The following BEND6 variants were observed in gnomAD, a reference collection of about 807,000 sequenced individuals.
The protein encoded by BEND6 is BEN domain containing 6, also known as BEN domain-containing protein 6.
A neutral mutation model predicts 31.8 loss-of-function variants in BEND6; 24 were observed. That is an observed-to-expected ratio of 0.75 (90% CI 0.55 to 1.06). The LOEUF (loss-of-function observed/expected upper bound fraction) is 1.06, where lower values mean the gene tolerates loss of function less well. Ranked by LOEUF, BEND6 falls within the 50% of genes least tolerant of loss-of-function variation. The pLI is 0.00. For synonymous variants in BEND6, 109 were observed against 114.6 expected, an observed-to-expected ratio of 0.95 and a Z score of 0.31; for missense variants, 294 against 327.4, an observed-to-expected ratio of 0.90 and a Z score of 0.79.
intron 3 of BEND6, among the ~76,000 whole-genome samples, chr6:56,997,572 G>T (rs1473071563): frequency 3.3e-5 from 5 of 152,008 alleles, no homozygotes; most frequent in Admixed American, 6.6e-5. Flanking sequence ...TTTATTTTTT[G>T]AGACGGAATC....
chr6:57,020,485 A>C (rs1827704840), intron 6 of BEND6, among the ~76,000 whole-genome samples: 1 of 151,974 alleles, frequency 6.6e-6, no homozygotes, highest in Admixed American at 6.6e-5. Context: ...CAGTGGCGCG[A>C]TCTCTGCTCA....
chr6:57,003,185 T>C (rs181307087), intron 3 of BEND6, among the ~76,000 whole-genome samples: 1 of 152,076 alleles, frequency 6.6e-6, no homozygotes, highest in Non-Finnish European at 1.5e-5. Context: ...CAGACTAATA[T>C]CGAGTTCTAA....
At chr6:56,965,985 A>T (rs1039692821) in intron 1 of BEND6, among the ~76,000 whole-genome samples, 5 of 152,230 alleles carry the variant, frequency 3.3e-5, no homozygotes, top group African/African-American at 1.2e-4. Context: ...CACATTAATT[A>T]AAAAATGTGA....
intron 1 of BEND6, among the ~76,000 whole-genome samples, chr6:56,960,216 C>A (rs1825240360): frequency 6.6e-6 from 1 of 152,078 alleles, no homozygotes; most frequent in Admixed American, 6.6e-5. Flanking sequence ...GAGAACTGTT[C>A]ATAAATCAAA....
intron 3 of BEND6, among the ~76,000 whole-genome samples, chr6:56,993,660 G>A (rs954096894): frequency 6.6e-6 from 1 of 152,150 alleles, no homozygotes; most frequent in Non-Finnish European, 1.5e-5. Flanking sequence ...TTATTCAATT[G>A]ACAAGGCATT....
intron 6 of BEND6, among the ~76,000 whole-genome samples, chr6:57,021,711 A>G (rs1827748315): frequency 1.3e-5 from 2 of 152,166 alleles, no homozygotes; most frequent in African/African-American, 4.8e-5. Flanking sequence ...ATAACATCCA[A>G]CTAAGTGACC....
At chr6:56,980,543 T>C (rs1321450576) in intron 1 of BEND6, among the ~76,000 whole-genome samples, 1 of 152,184 alleles carries the variant, frequency 6.6e-6, no homozygotes, top group East Asian at 1.9e-4. Context: ...AGGCAAGCTG[T>C]CTGGTATTTG....
At chr6:56,955,595 G>A (rs973892161) in intron 1 of BEND6, 135 bp downstream of exon 1, 2 of 152,232 alleles carry the variant, frequency 1.3e-5, no homozygotes, top group Admixed American at 1.3e-4. Context: ...GAGCGCTCCG[G>A]GGTAGTACGC....
intron 6 of BEND6, among the ~76,000 whole-genome samples, chr6:57,020,593 G>A (rs1827709162): frequency 6.6e-6 from 1 of 151,932 alleles, no homozygotes; most frequent in South Asian, 2.1e-4. Flanking sequence ...GCTAATTTGT[G>A]TATTTTTAGT....
At chr6:56,968,698 A>G (rs1308956520) in intron 1 of BEND6, among the ~76,000 whole-genome samples, 2 of 151,856 alleles carry the variant, frequency 1.3e-5, no homozygotes, top group Non-Finnish European at 2.9e-5. Context: ...GCATTGTCGA[A>G]CCATCCCGAA....
intron 1 of BEND6, 68 bp downstream of exon 1, chr6:56,955,528 G>A (rs995946514): frequency 6.6e-6 from 1 of 152,284 alleles, no homozygotes; most frequent in Non-Finnish European, 1.5e-5. Flanking sequence ...CCTTCCCTGG[G>A]AATTGGGATA....
chr6:57,019,574 G>A (rs148113676), intron 6 of BEND6, among the ~76,000 whole-genome samples: 1 of 152,204 alleles, frequency 6.6e-6, no homozygotes, highest in Non-Finnish European at 1.5e-5. Context: ...ATGTAATGCA[G>A]TAATCCCCTG....
At chr6:57,004,529 G>A (rs541638457) in intron 3 of BEND6, 49 of 751,180 alleles carry the variant, frequency 6.5e-5, no homozygotes, top group Admixed American at 3.1e-4. Context: ...CACCGCCACC[G>A]CCATGACTAC....
intron 3 of BEND6, chr6:57,009,830 G>T (rs1431029864): frequency 6.6e-6 from 1 of 152,086 alleles, no homozygotes. Flanking sequence ...AGAAGAAAAC[G>T]TTATGGTCAT....
rs1216958257 is a variant in BEND6, at chr6:57,004,735, T to C, written c.299-10398T>C. ...GGCCACTGACAAAAATGACCCCCATTTGTGTGACTTCACTGAGACACATCA... is the reference window on the plus strand; with the variant it reads ...GGCCACTGACAAAAATGACCCCCATCTGTGTGACTTCACTGAGACACATCA... On this transcript the variant is annotated intron_variant, in intron 3 of 6. Coordinates refer to ENST00000370746, the MANE Select transcript of BEND6 (RefSeq NM_152731.3). 1.4e-5 allele frequency: 19 copies of C among 1,397,432 alleles called. No homozygotes were observed. In the Admixed American group the frequency reaches 2.3e-4, roughly 17 times the overall value. The allele number at this position is 1,397,432 out of a possible 1,614,324, so 86.6% of individuals were successfully genotyped here.
intron 2 of BEND6, among the ~76,000 whole-genome samples, chr6:56,983,183 G>T (rs565626121): frequency 1.7e-4 from 26 of 152,068 alleles, no homozygotes; most frequent in African/African-American, 6.0e-4. Context: ...AAATTTTATT[G>T]TGTATATTTC....
At chr6:57,015,018 C>A in intron 3 of BEND6, 115 bp from the exon 4 acceptor site, 1 of 740,728 alleles carries the variant, frequency 1.4e-6, no homozygotes, top group Non-Finnish European at 2.1e-6. Context: ...CCAAAGATAG[C>A]AAATGTTAAG....
At chr6:56,965,022 G>A (rs1407454179) in intron 1 of BEND6, among the ~76,000 whole-genome samples, 1 of 152,138 alleles carries the variant, frequency 6.6e-6, no homozygotes, top group Non-Finnish European at 1.5e-5. Context: ...ACCCAAATAT[G>A]CCAATACACT....
intron 2 of BEND6, 134 bp downstream of exon 2, chr6:56,982,064 A>T: frequency 9.2e-7 from 1 of 1,085,636 alleles, no homozygotes; most frequent in Non-Finnish European, 1.3e-6. Context: ...AATGGAGAAA[A>T]TATAATCTTA....
Sources: gnomAD v4.1 joint callset for allele counts (sites outside exome capture counted in the v4.1 genomes callset) on GRCh38, gnomAD v4.1.1 for gene constraint, MANE v1.5 for transcripts, NCBI Gene and HGNC (gene_info 2026-07-23, HGNC 2026-07-21) for gene names.